Variants in CTNNA2 observed in about 807,000 individuals in gnomAD.
CTNNA2 encodes the protein catenin alpha-2.
Under a neutral mutation model 101.0 loss-of-function variants are expected in CTNNA2, and 42 were observed. The ratio of observed to expected loss-of-function variants is 0.42; its 90% CI spans 0.32 to 0.54. The LOEUF is 0.54. Among genes scored for constraint, CTNNA2 ranks in the 20% least tolerant of loss-of-function variants. The probability of loss-of-function intolerance (pLI) is 0.14; values close to 1 mark genes in which losing one functional copy is unlikely to be tolerated. For synonymous variants in CTNNA2, 450 were observed against 456.4 expected (o/e 0.99, Z 0.18); for missense variants, 871 against 1,223.1 (o/e 0.71, Z 4.29).
intron 7 of CTNNA2, among the ~76,000 whole-genome samples, chr2:80,198,283 T>C (rs919975911): frequency 4.6e-5 from 7 of 152,150 alleles, no homozygotes; most frequent in Admixed American, 3.9e-4. Context: ...TTACCCTTGT[T>C]TGAGGTCTTT....
intron 1 of CTNNA2, among the ~76,000 whole-genome samples, chr2:79,608,712 T>C (rs2104169204): frequency 6.6e-6 from 1 of 152,212 alleles, no homozygotes; most frequent in South Asian, 2.1e-4. Context: ...TATTCATTCA[T>C]TATAAAATTC....
intron 2 of CTNNA2, among the ~76,000 whole-genome samples, chr2:79,739,338 C>T (rs1437807923): frequency 1.3e-5 from 2 of 152,138 alleles, no homozygotes; most frequent in Non-Finnish European, 2.9e-5. Context: ...CAAACTCTTC[C>T]ATTCACTGAA....
intron 1 of CTNNA2, among the ~76,000 whole-genome samples, chr2:79,624,334 C>G (rs796942173): frequency 2.6e-4 from 38 of 147,758 alleles, no homozygotes; most frequent in African/African-American, 8.8e-4. Flanking sequence ...TTTCATTAGG[C>G]TTTTTTTTTT....
rs117018381 is a variant in CTNNA2 at position 79,722,247 on chromosome 2, G to T, written c.103-22140G>T. Reference sequence around the variant, plus strand: ...AATAAGCAGGCAGAACATATTTAACGTATTTCATATTTGTTTTATTAAGCC... The same window carrying T: ...AATAAGCAGGCAGAACATATTTAACTTATTTCATATTTGTTTTATTAAGCC... On this transcript the variant is annotated intron_variant, in intron 2 of 18. Transcript: ENST00000402739. 6.6e-5 allele frequency among the ~76,000 whole-genome samples: 10 copies of T among 152,158 alleles called. 1 individual carries two copies. The highest frequency in any genetic ancestry group is 2.4e-5 in the African/African-American group (1 of 41,526).
Position 79,926,722 on chromosome 2 carries a change from G to C in CTNNA2, c.1056+16925G>C, listed in dbSNP as rs1687043890. Among the ~76,000 whole-genome samples the C allele has an allele frequency of 2.0e-5, 3 of 151,718 alleles. No homozygotes were observed. In the South Asian group the frequency reaches 6.3e-4, roughly 32 times the overall value. The stretch of plus-strand genomic sequence containing the variant: ...TTCCTTATAAATAAAATTTAGAATT[G>C]AACATCTAAAACAGGAAAAAAAATT... On this transcript the variant is annotated intron_variant, in intron 7 of 18. Transcript: ENST00000402739.
At chr2:79,867,357 A>G (rs1682200599) in intron 4 of CTNNA2, among the ~76,000 whole-genome samples, 1 of 151,998 alleles carries the variant, frequency 6.6e-6, no homozygotes, top group South Asian at 2.1e-4. Context: ...CTATCTATCA[A>G]TCATCCATCA....
intron 7 of CTNNA2, among the ~76,000 whole-genome samples, chr2:80,306,375 C>G (rs1423621197): frequency 7.2e-6 from 1 of 139,466 alleles, no homozygotes; most frequent in East Asian, 2.0e-4. Context: ...TTCTTTCTTT[C>G]TTTCTTTTCT....
At chr2:79,733,377 A>C (rs1229273876) in intron 2 of CTNNA2, among the ~76,000 whole-genome samples, 1 of 152,084 alleles carries the variant, frequency 6.6e-6, no homozygotes, top group African/African-American at 2.4e-5. Flanking sequence ...ATTATGAATA[A>C]AGGCAGTGTC....
chr2:79,187,949 T>C (rs1375532373), intron 1 of CTNNA2, among the ~76,000 whole-genome samples: 1 of 152,114 alleles, frequency 6.6e-6, no homozygotes, highest in African/African-American at 2.4e-5. Flanking sequence ...CTTAGTGTTC[T>C]TCAACTAGCC....
chr2:80,323,832 G>C (rs1573718037), intron 7 of CTNNA2, among the ~76,000 whole-genome samples: 1 of 152,226 alleles, frequency 6.6e-6, no homozygotes, highest in East Asian at 1.9e-4. Context: ...GGTGGGTGGA[G>C]CAGGATATTC....
At chr2:79,937,551 T>C (rs1687872744) in intron 7 of CTNNA2, among the ~76,000 whole-genome samples, 1 of 152,244 alleles carries the variant, frequency 6.6e-6, no homozygotes, top group Non-Finnish European at 1.5e-5. Context: ...TTTACAAGGC[T>C]AATGGTATAT....
intron 2 of CTNNA2, among the ~76,000 whole-genome samples, chr2:79,699,305 T>C (rs1684838115): frequency 6.6e-6 from 1 of 152,242 alleles, no homozygotes; most frequent in Non-Finnish European, 1.5e-5. Flanking sequence ...ACTTCAATTT[T>C]CCATTCCTGA....
rs138938895 is a variant in CTNNA2 at position 80,123,488 on chromosome 2, G to C, written c.1056+213691G>C. 3.5e-4 allele frequency among the ~76,000 whole-genome samples: 53 copies of C among 152,052 alleles called. No individual in the cohort carries two copies. The East Asian group carries it at 0.01, about 29-fold the overall frequency. On this transcript the variant is annotated intron_variant, in intron 7 of 18. Coordinates refer to ENST00000402739, the MANE Select transcript of CTNNA2 (RefSeq NM_001282597.3). Reference sequence around the variant, plus strand: ...TACTCCAGGCCTGATGTGAAAGAAGGCCTGGAGACATTAATAACACATGGT... The same window carrying C: ...TACTCCAGGCCTGATGTGAAAGAAGCCCTGGAGACATTAATAACACATGGT...
chr2:79,784,416 C>T (rs1674684908), intron 3 of CTNNA2, among the ~76,000 whole-genome samples: 1 of 151,316 alleles, frequency 6.6e-6, no homozygotes, highest in African/African-American at 2.4e-5. Flanking sequence ...ACCCTGGTGA[C>T]TCTTGCATTT....
chr2:79,317,580 C>T (rs1676526785), intron 3 of CTNNA2, among the ~76,000 whole-genome samples: 1 of 152,014 alleles, frequency 6.6e-6, no homozygotes, highest in Non-Finnish European at 1.5e-5. Context: ...GAGTGTTCTA[C>T]CAAGTCATAA....
intron 2 of CTNNA2, among the ~76,000 whole-genome samples, chr2:79,289,036 A>G (rs1222763931): frequency 3.9e-5 from 6 of 152,208 alleles, no homozygotes; most frequent in Admixed American, 3.3e-4. Context: ...TGTTTGTTTC[A>G]TAATAGAATT....
chr2:79,409,082 C>A (rs1038903323), intron 4 of CTNNA2, among the ~76,000 whole-genome samples: 17 of 152,164 alleles, frequency 1.1e-4, no homozygotes, highest in African/African-American at 4.1e-4. Flanking sequence ...TGTTTTTTGG[C>A]TGCATAAATG....
chr2:79,380,378 AT>A (rs1678025980), intron 4 of CTNNA2, among the ~76,000 whole-genome samples: 1 of 10,776 alleles, frequency 9.3e-5, no homozygotes, highest in Non-Finnish European at 2.3e-4. Flanking sequence ...TGCCTCTTCC[AT>A]TTTATGAAAA....
chr2:80,360,674 T>C (rs1394574747), intron 7 of CTNNA2, among the ~76,000 whole-genome samples: 1 of 152,114 alleles, frequency 6.6e-6, no homozygotes, highest in Non-Finnish European at 1.5e-5. Context: ...TGGCCCTGCT[T>C]ACAAACCACT....
Sources: allele counts gnomAD v4.1 joint callset (sites outside exome capture counted in the v4.1 genomes callset), GRCh38; gene constraint gnomAD v4.1.1; transcripts MANE v1.5; gene names NCBI Gene and HGNC (gene_info 2026-07-23, HGNC 2026-07-21).